MSRA: variants seen among roughly 807,000 people sequenced by gnomAD.
The protein encoded by MSRA is methionine sulfoxide reductase A.
Under a neutral mutation model 31.3 loss-of-function variants are expected in MSRA, and 54 were observed. The observed-to-expected ratio is 1.73, with a 90% CI of 1.39 to 2.17. The LOEUF is 2.17. Ranked by LOEUF, MSRA falls within the 30% of genes most tolerant of loss-of-function variation. MSRA has a pLI of 0.00. For synonymous variants in MSRA, 169 were observed against 116.5 expected (o/e 1.45, Z -2.90); for missense variants, 507 against 300.9 (o/e 1.69, Z -5.07).
At chr8:10,194,600 C>G (rs1288688139) in intron 1 of MSRA, among the ~76,000 whole-genome samples, 2 of 152,212 alleles carry the variant, frequency 1.3e-5, no homozygotes, top group Non-Finnish European at 2.9e-5. Context: ...ACTCTGGGGA[C>G]TGCAGCCCAA....
chr8:10,068,635 C>A (rs750685167), intron 1 of MSRA, among the ~76,000 whole-genome samples: 3 of 152,178 alleles, frequency 2.0e-5, no homozygotes, highest in African/African-American at 7.2e-5. Flanking sequence ...GGGTCTATTT[C>A]TGGGCTCCTT....
intron 3 of MSRA, among the ~76,000 whole-genome samples, chr8:10,293,536 C>G (rs1005258202): frequency 2.6e-5 from 4 of 152,222 alleles, no homozygotes; most frequent in African/African-American, 9.6e-5. Context: ...CAGCCTCCCC[C>G]ACTTGATATT....
At chr8:10,242,354 A>C (rs752807775) in intron 2 of MSRA, among the ~76,000 whole-genome samples, 1 of 152,176 alleles carries the variant, frequency 6.6e-6, no homozygotes, top group African/African-American at 2.4e-5. Flanking sequence ...CTTAGATGAT[A>C]AAGTGTAAGA....
intron 1 of MSRA, among the ~76,000 whole-genome samples, chr8:10,176,748 A>G (rs931048556): frequency 6.6e-6 from 1 of 152,218 alleles, no homozygotes. Flanking sequence ...TCATAGGTCA[A>G]TCAATGCTGG....
intron 5 of MSRA, among the ~76,000 whole-genome samples, chr8:10,414,537 G>A (rs868515061): frequency 1.1e-4 from 17 of 152,288 alleles, no homozygotes; most frequent in South Asian, 6.2e-4. Flanking sequence ...TCTGTCAACC[G>A]TCTGCAGTGA....
intron 1 of MSRA, among the ~76,000 whole-genome samples, chr8:10,119,012 G>A (rs1311968978): frequency 1.3e-5 from 2 of 152,162 alleles, no homozygotes; most frequent in African/African-American, 2.4e-5. Context: ...TGGAGACTTA[G>A]GAGGAGGGAC....
At chr8:10,065,017 C>T (rs1285356698) in intron 1 of MSRA, among the ~76,000 whole-genome samples, 2 of 152,122 alleles carry the variant, frequency 1.3e-5, no homozygotes, top group African/African-American at 2.4e-5. Context: ...ACAGAGCCCC[C>T]GAGAAGGCAT....
intron 1 of MSRA, among the ~76,000 whole-genome samples, chr8:10,127,657 T>G (rs1486636223): frequency 6.6e-6 from 1 of 152,204 alleles, no homozygotes; most frequent in Admixed American, 6.5e-5. Context: ...TATTTGATAT[T>G]GGGATTAAGG....
At chr8:10,373,286 C>G (rs545014013) in intron 5 of MSRA, among the ~76,000 whole-genome samples, 15 of 152,208 alleles carry the variant, frequency 9.9e-5, no homozygotes, top group African/African-American at 3.4e-4. Context: ...AATAGTCAAC[C>G]AAGGACTGAA....
intron 1 of MSRA, among the ~76,000 whole-genome samples, chr8:10,180,570 T>C (rs1406701184): frequency 6.6e-6 from 1 of 152,134 alleles, no homozygotes; most frequent in Non-Finnish European, 1.5e-5. Flanking sequence ...GTTACCTCAT[T>C]AGCATAACTC....
At chr8:10,254,053 C>G (rs1798052979) in intron 3 of MSRA, among the ~76,000 whole-genome samples, 1 of 151,954 alleles carries the variant, frequency 6.6e-6, no homozygotes, top group Non-Finnish European at 1.5e-5. Context: ...ACTCCTCAGC[C>G]TGGGAGTTAT....
chr8:10,428,042 C>T (rs1192997476), intron 5 of MSRA, 106 bp from the exon 6 acceptor site: 6 of 1,287,004 alleles, frequency 4.7e-6, no homozygotes, highest in South Asian at 1.5e-5. Flanking sequence ...ACTGCACATC[C>T]CAAGCCACGC....
At chr8:10,101,785 C>G (rs942612574) in intron 1 of MSRA, among the ~76,000 whole-genome samples, 1 of 152,194 alleles carries the variant, frequency 6.6e-6, no homozygotes, top group African/African-American at 2.4e-5. Flanking sequence ...CTCCATTCAT[C>G]TGCCAGTGGA....
At chr8:10,102,630 G>A (rs983715305) in intron 1 of MSRA, among the ~76,000 whole-genome samples, 2 of 152,168 alleles carry the variant, frequency 1.3e-5, no homozygotes, top group African/African-American at 4.8e-5. Flanking sequence ...TTAAATTGAG[G>A]TTTTCCTGGT....
At chr8:10,407,760 C>A (rs550937802) in intron 5 of MSRA, among the ~76,000 whole-genome samples, 1 of 152,132 alleles carries the variant, frequency 6.6e-6, no homozygotes, top group Non-Finnish European at 1.5e-5. Flanking sequence ...TGTCATTGGT[C>A]TAAACACCCC....
chr8:10,347,692 G>T (rs1028020895), intron 5 of MSRA, among the ~76,000 whole-genome samples: 2 of 152,086 alleles, frequency 1.3e-5, no homozygotes, highest in Non-Finnish European at 2.9e-5. Context: ...CTGTGGCCTC[G>T]CATGTCTCAG....
At chr8:10,283,360 C>T (rs1176604734) in intron 3 of MSRA, among the ~76,000 whole-genome samples, 2 of 152,064 alleles carry the variant, frequency 1.3e-5, no homozygotes, top group East Asian at 1.9e-4. Context: ...TGCTCCTATC[C>T]AGCAGCTAAA....
intron 1 of MSRA, among the ~76,000 whole-genome samples, chr8:10,150,983 G>T (rs1056905981): frequency 6.6e-6 from 1 of 152,224 alleles, no homozygotes; most frequent in Middle Eastern, 3.4e-3. Context: ...TGGAGCAGAG[G>T]CTGGTGCATG....
chr8:10,393,061 CAAAAAAAAAA>C (rs768294679), intron 5 of MSRA, among the ~76,000 whole-genome samples: 1 of 77,698 alleles, frequency 1.3e-5, no homozygotes, highest in Non-Finnish European at 2.3e-5. Context: ...GACTCCGTCT[CAAAAAAAAAA>C]AAAAAAAAAA....
Sources: gnomAD v4.1 joint callset for allele counts (sites outside exome capture counted in the v4.1 genomes callset) on GRCh38, gnomAD v4.1.1 for gene constraint, MANE v1.5 for transcripts, NCBI Gene and HGNC (gene_info 2026-07-23, HGNC 2026-07-21) for gene names.